MCTP2: variants seen among roughly 807,000 people sequenced by gnomAD.
The protein encoded by MCTP2 is multiple C2 and transmembrane domain containing 2.
In MCTP2, 132 loss-of-function variants were observed where a neutral mutation model predicts 111.6. That is an observed-to-expected ratio of 1.18 (90% CI 1.03 to 1.37). The LOEUF (loss-of-function observed/expected upper bound fraction) is 1.37, where lower values mean the gene tolerates loss of function less well. Ranked by LOEUF, MCTP2 falls within the 40% of genes most tolerant of loss-of-function variation. The probability of loss-of-function intolerance (pLI) is 0.00; values close to 1 mark genes in which losing one functional copy is unlikely to be tolerated. For synonymous variants in MCTP2, 395 were observed against 387.7 expected, an observed-to-expected ratio of 1.02 and a Z score of -0.22; for missense variants, 1,183 against 1,067.9, an observed-to-expected ratio of 1.11 and a Z score of -1.50.
At chr15:94,431,634 T>G (rs769572768) in intron 17 of MCTP2, among the ~76,000 whole-genome samples, 3 of 152,250 alleles carry the variant, frequency 2.0e-5, no homozygotes. Flanking sequence ...CTTATTGATT[T>G]GTTACCTTAG....
chr15:94,428,083 A>G (rs562559281), intron 17 of MCTP2, among the ~76,000 whole-genome samples: 3 of 152,210 alleles, frequency 2.0e-5, no homozygotes, highest in African/African-American at 4.8e-5. Context: ...TGGCATGCAC[A>G]TTTACCATTG....
At chr15:94,330,439 G>T (rs2077079498) in intron 4 of MCTP2, among the ~76,000 whole-genome samples, 1 of 152,082 alleles carries the variant, frequency 6.6e-6, no homozygotes, top group Admixed American at 6.6e-5. Flanking sequence ...ATGCATATAG[G>T]TCTTGTAGAT....
intron 1 of MCTP2, among the ~76,000 whole-genome samples, chr15:94,258,053 T>TTTG (rs2072944248): frequency 6.7e-6 from 1 of 149,228 alleles, no homozygotes; most frequent in South Asian, 2.1e-4. Flanking sequence ...TTTTTTTTTT[T>TTTG]TTAGTAGAGA....
chr15:94,357,548 T>C (rs1316469695), intron 9 of MCTP2, among the ~76,000 whole-genome samples: 2 of 128,738 alleles, frequency 1.6e-5, no homozygotes, highest in Admixed American at 1.5e-4. Context: ...GCTTTTCTTG[T>C]TTTTTTTTTT....
intron 1 of MCTP2, chr15:94,273,348 A>T (rs2074014059): frequency 6.6e-6 from 1 of 152,238 alleles, no homozygotes; most frequent in Admixed American, 6.5e-5. Flanking sequence ...TTGCTTTCTG[A>T]CTTAATCCTC....
chr15:94,364,293 C>G (rs1326411121), intron 10 of MCTP2, among the ~76,000 whole-genome samples: 1 of 151,974 alleles, frequency 6.6e-6, no homozygotes, highest in Non-Finnish European at 1.5e-5. Context: ...GCCCACAAAC[C>G]AAAAATATTT....
chr15:94,315,015 G>C (rs188643310), intron 3 of MCTP2, among the ~76,000 whole-genome samples: 3 of 152,294 alleles, frequency 2.0e-5, no homozygotes, highest in Admixed American at 6.5e-5. Context: ...GTGGGCTTGT[G>C]GGGGCATCAG....
At chr15:94,245,510 A>T (rs1034430760) in intron 1 of MCTP2, among the ~76,000 whole-genome samples, 1 of 141,526 alleles carries the variant, frequency 7.1e-6, no homozygotes, top group South Asian at 2.2e-4. Flanking sequence ...ATATATGTAT[A>T]CATATATGTA....
intron 17 of MCTP2, chr15:94,402,513 A>G: frequency 6.4e-7 from 1 of 1,551,850 alleles, no homozygotes. Flanking sequence ...ACCCCTGTCT[A>G]TGAAATGTAC....
chr15:94,433,325 G>C (rs2083291161), intron 17 of MCTP2, among the ~76,000 whole-genome samples: 1 of 152,124 alleles, frequency 6.6e-6, no homozygotes, highest in Non-Finnish European at 1.5e-5. Flanking sequence ...GAAAATTTAA[G>C]GCGATTTTTT....
intron 14 of MCTP2, among the ~76,000 whole-genome samples, chr15:94,386,387 C>T (rs919859154): frequency 2.0e-5 from 3 of 152,190 alleles, no homozygotes; most frequent in African/African-American, 7.2e-5. Context: ...TGGAGCACTC[C>T]GTAATTTAAC....
Position 94,250,149 on chromosome 15 carries a change from A to G in MCTP2, c.-66+18485A>G, listed in dbSNP as rs551431073. 3.3e-5 allele frequency among the ~76,000 whole-genome samples: 5 copies of G among 152,308 alleles called. No homozygotes were observed. The South Asian group carries it at 1.0e-3, about 32-fold the overall frequency. The stretch of plus-strand genomic sequence containing the variant: ...TAGTTTGTGTTTTTCACTTAAAATT[A>G]TACCATAAATTATTTTCCAGGTGAC... On this transcript the variant is annotated intron_variant, in intron 1 of 22. Coordinates refer to ENST00000357742, the MANE Select transcript of MCTP2 (RefSeq NM_001385001.1).
At chr15:94,397,946 A>G (rs1485096907) in intron 14 of MCTP2, among the ~76,000 whole-genome samples, 2 of 152,228 alleles carry the variant, frequency 1.3e-5, no homozygotes, top group Non-Finnish European at 2.9e-5. Context: ...TCAGTTACAT[A>G]TACTACTACT....
At chr15:94,244,125 C>G (rs1344117391) in intron 1 of MCTP2, among the ~76,000 whole-genome samples, 1 of 144,488 alleles carries the variant, frequency 6.9e-6, no homozygotes, top group South Asian at 2.2e-4. Flanking sequence ...TTTATATACA[C>G]ATGTATACAC....
intron 21 of MCTP2, among the ~76,000 whole-genome samples, chr15:94,474,768 A>G (rs1050244330): frequency 2.0e-5 from 3 of 152,220 alleles, no homozygotes; most frequent in African/African-American, 7.2e-5. Context: ...GAATAGGGCA[A>G]AATTATTGAA....
At chr15:94,291,577 G>C (rs2075033140) in intron 1 of MCTP2, among the ~76,000 whole-genome samples, 1 of 151,606 alleles carries the variant, frequency 6.6e-6, no homozygotes, top group Admixed American at 6.6e-5. Context: ...CTCCAGCCTG[G>C]GCTACAAGAG....
intron 22 of MCTP2, among the ~76,000 whole-genome samples, chr15:94,477,763 G>A (rs2074485367): frequency 6.6e-6 from 1 of 152,154 alleles, no homozygotes; most frequent in Admixed American, 6.5e-5. Context: ...AATTAAAATG[G>A]ACTCTGTGAT....
intron 4 of MCTP2, among the ~76,000 whole-genome samples, chr15:94,337,110 G>T (rs1282868780): frequency 1.3e-5 from 2 of 152,086 alleles, no homozygotes; most frequent in African/African-American, 4.8e-5. Flanking sequence ...TCACTTCCCT[G>T]ACAGTGAGGC....
intron 4 of MCTP2, among the ~76,000 whole-genome samples, chr15:94,337,166 A>C (rs892771171): frequency 6.6e-6 from 1 of 152,212 alleles, no homozygotes; most frequent in South Asian, 2.1e-4. Flanking sequence ...CCTTCTCTCA[A>C]ATTTTCCCTA....
Sources: allele counts gnomAD v4.1 joint callset (sites outside exome capture counted in the v4.1 genomes callset), GRCh38; gene constraint gnomAD v4.1.1; transcripts MANE v1.5; gene names NCBI Gene and HGNC (gene_info 2026-07-23, HGNC 2026-07-21).